DLGAP2: variants seen among roughly 807,000 people sequenced by gnomAD.
DLGAP2 encodes the protein DLG associated protein 2.
In DLGAP2, 26 loss-of-function variants were observed where a neutral mutation model predicts 100.3. That is an observed-to-expected ratio of 0.26 (90% confidence interval 0.19 to 0.36). DLGAP2 has a LOEUF of 0.36. DLGAP2 is among the 10% of genes least tolerant of loss of function. The pLI, the probability that DLGAP2 is intolerant of heterozygous loss-of-function variation, is 1.00. For synonymous variants in DLGAP2, 886 were observed against 630.1 expected, an observed-to-expected ratio of 1.41 and a Z score of -6.08; for missense variants, 1,858 against 1,453.2, an observed-to-expected ratio of 1.28 and a Z score of -4.53.
At chr8:1,604,348 C>G (rs974302639) in intron 6 of DLGAP2, among the ~76,000 whole-genome samples, 32 of 152,158 alleles carry the variant, frequency 2.1e-4, no homozygotes, top group Non-Finnish European at 2.1e-4. Flanking sequence ...TTCAGATTCT[C>G]TAAACAGTAC....
chr8:1,213,111 G>C (rs528589742), intron 2 of DLGAP2, among the ~76,000 whole-genome samples: 1 of 152,166 alleles, frequency 6.6e-6, no homozygotes, highest in African/African-American at 2.4e-5. Flanking sequence ...AGATCTCCAG[G>C]TTTTCCTAGA....
chr8:1,463,571 G>C (rs965047570), intron 3 of DLGAP2, among the ~76,000 whole-genome samples: 1 of 152,256 alleles, frequency 6.6e-6, no homozygotes, highest in Non-Finnish European at 1.5e-5. Flanking sequence ...GTCCGGCCTC[G>C]CGTTGAGGGG....
intron 3 of DLGAP2, among the ~76,000 whole-genome samples, chr8:1,453,856 T>G (rs1481609832): frequency 6.6e-6 from 1 of 152,230 alleles, no homozygotes; most frequent in Non-Finnish European, 1.5e-5. Flanking sequence ...CTCACTTTGA[T>G]TTCAGTCTCC....
chr8:1,556,419 C>T (rs770917125), intron 5 of DLGAP2, among the ~76,000 whole-genome samples: 36 of 152,140 alleles, frequency 2.4e-4, no homozygotes, highest in Middle Eastern at 6.8e-3. Flanking sequence ...CCTCCCAGGG[C>T]AGCTAAGGGG....
chr8:1,410,471 T>G (rs987504545), intron 3 of DLGAP2, among the ~76,000 whole-genome samples: 2 of 152,232 alleles, frequency 1.3e-5, no homozygotes, highest in Non-Finnish European at 2.9e-5. Context: ...CTTACTGTCA[T>G]GTCCCACAGT....
At chr8:818,523 G>A (rs9314634) in intron 1 of DLGAP2, among the ~76,000 whole-genome samples, 34,863 of 152,148 alleles carry the variant, frequency 0.23, 4,638 homozygotes, top group Non-Finnish European at 0.31. Context: ...CCAAGGGTCT[G>A]TGGATTCTCT....
At chr8:831,756 G>A (rs892856250) in intron 1 of DLGAP2, among the ~76,000 whole-genome samples, 2 of 152,102 alleles carry the variant, frequency 1.3e-5, no homozygotes, top group Non-Finnish European at 2.9e-5. Context: ...GGGTCAAATG[G>A]TATTTCTAGT....
chr8:1,362,424 G>T (rs558426961), intron 3 of DLGAP2, among the ~76,000 whole-genome samples: 56 of 150,606 alleles, frequency 3.7e-4, no homozygotes, highest in African/African-American at 1.2e-3. Flanking sequence ...CCGTCACAGC[G>T]CCCTCGGGAG....
At chr8:1,656,093 G>A (rs1343103396) in intron 8 of DLGAP2, among the ~76,000 whole-genome samples, 3 of 152,330 alleles carry the variant, frequency 2.0e-5, no homozygotes, top group East Asian at 1.9e-4. Flanking sequence ...GGAGGCCAAG[G>A]CGGGCAGATC....
At chr8:1,082,181 C>A (rs972957233) in intron 2 of DLGAP2, among the ~76,000 whole-genome samples, 6 of 152,160 alleles carry the variant, frequency 3.9e-5, no homozygotes, top group Non-Finnish European at 7.3e-5. Context: ...CTGTCTGGAT[C>A]CATCTCTTGT....
At chr8:1,476,659 CTG>C (rs1798938399) in intron 3 of DLGAP2, among the ~76,000 whole-genome samples, 2 of 150,848 alleles carry the variant, frequency 1.3e-5, no homozygotes, top group Admixed American at 6.6e-5. Flanking sequence ...TGATGGCTGA[CTG>C]CTGTTGGCCA....
chr8:759,802 G>A (rs145266953), intron 1 of DLGAP2, among the ~76,000 whole-genome samples: 73 of 152,308 alleles, frequency 4.8e-4, no homozygotes, highest in African/African-American at 1.6e-3. Flanking sequence ...GAATTGAAAC[G>A]TTGCTTTTAG....
intron 3 of DLGAP2, among the ~76,000 whole-genome samples, chr8:1,365,087 G>A (rs751242713): frequency 2.6e-5 from 4 of 152,190 alleles, no homozygotes; most frequent in Admixed American, 1.3e-4. Context: ...GCAAGGACAC[G>A]TTTTTATAAA....
intron 4 of DLGAP2, among the ~76,000 whole-genome samples, chr8:1,535,942 C>G (rs146710902): frequency 5.2e-4 from 79 of 152,356 alleles, no homozygotes; most frequent in African/African-American, 1.9e-3. Context: ...ACTGCTCTGA[C>G]ATCCCTTGCG....
At chr8:842,079 T>G (rs1045376873) in intron 1 of DLGAP2, among the ~76,000 whole-genome samples, 1 of 152,204 alleles carries the variant, frequency 6.6e-6, no homozygotes, top group Non-Finnish European at 1.5e-5. Flanking sequence ...ATATTGGCAT[T>G]GTCAGAGCAG....
chr8:1,599,383 T>C, intron 6 of DLGAP2, among the ~76,000 whole-genome samples: 1 of 152,194 alleles, frequency 6.6e-6, no homozygotes, highest in Non-Finnish European at 1.5e-5. Context: ...TTGGGTCTGC[T>C]TGGTCCAGAG....
At chr8:1,206,166 G>C (rs1284557854) in intron 2 of DLGAP2, among the ~76,000 whole-genome samples, 3 of 152,180 alleles carry the variant, frequency 2.0e-5, no homozygotes, top group African/African-American at 7.2e-5. Flanking sequence ...AAGGGAAGGC[G>C]CTGTGAGAAG....
At position 1,626,860 on chromosome 8, in the gene DLGAP2, C is replaced by G. The variant is rs750159464; in HGVS notation, c.1563C>G (p.Thr521=). 2.5e-6 allele frequency: 4 copies of G among 1,606,078 alleles called. No homozygotes were observed. Among genetic ancestry groups the G allele is most frequent in the Non-Finnish European group, 3.4e-6 (4 of 1,176,658 alleles). Residue 521 remains threonine, a synonymous_variant, in exon 7 of 15, where the codon ACC becomes ACG. Transcript: ENST00000637795. ...AGAGCTACATGAGGGCCGTCAGCACCCTGAGCCAGGCCAGCTGCGTGAGCC... is the reference window on the plus strand; with the variant it reads ...AGAGCTACATGAGGGCCGTCAGCACGCTGAGCCAGGCCAGCTGCGTGAGCC... ...RNQSYMRAVS[T]LSQASCVSQV... is the part of the protein sequence containing the mutation.
At chr8:1,601,732 G>A (rs1478248503) in intron 6 of DLGAP2, among the ~76,000 whole-genome samples, 1 of 152,076 alleles carries the variant, frequency 6.6e-6, no homozygotes, top group Non-Finnish European at 1.5e-5. Context: ...TCACCACTCT[G>A]GTCTTTAATT....
Sources: allele counts gnomAD v4.1 joint callset (sites outside exome capture counted in the v4.1 genomes callset), GRCh38; gene constraint gnomAD v4.1.1; transcripts MANE v1.5; gene names NCBI Gene and HGNC (gene_info 2026-07-23, HGNC 2026-07-21).